The following PRSS16 variants were observed in gnomAD, a reference collection of about 807,000 sequenced individuals.
PRSS16 encodes the protein thymus-specific serine protease.
Under a neutral mutation model 61.7 loss-of-function variants are expected in PRSS16, and 43 were observed. The ratio of observed to expected loss-of-function variants is 0.70; its 90% CI spans 0.55 to 0.90. The LOEUF is 0.90. Ranked by LOEUF, PRSS16 falls within the 40% of genes least tolerant of loss-of-function variation. The pLI is 0.00. For missense variants in PRSS16, 591 were observed against 659.1 expected (o/e 0.90, Z 1.13); for synonymous variants, 273 against 285.2 (o/e 0.96, Z 0.43).
chr6:27,252,446 G>A lies in PRSS16; in HGVS notation c.1009-362G>A, dbSNP rs1191907513. On this transcript the variant is annotated intron_variant, in intron 8 of 11. Transcript: ENST00000230582. The surrounding 1 kb of genome is among the most constrained non-coding windows in gnomAD (Gnocchi z 4.2). ...CTAAATCCACAACTGCAATCCAGCTGTCGCTTTTCCAGCACTGTCTGGACC... is the reference window on the plus strand; with the variant it reads ...CTAAATCCACAACTGCAATCCAGCTATCGCTTTTCCAGCACTGTCTGGACC... 6.6e-6 allele frequency among the ~76,000 whole-genome samples: 1 copy of A among 152,184 alleles called. No homozygotes were observed. The highest frequency in any genetic ancestry group is 3.2e-3 in the Middle Eastern group (1 of 316).
Position 27,254,715 on chromosome 6 carries a change from A to T in PRSS16, c.1173A>T (p.Arg391Ser), listed in dbSNP as rs1172748866. 6.2e-7 allele frequency: 1 copy of T among 1,613,560 alleles called. No homozygotes were observed. Residue 391 changes from arginine to serine, a missense_variant, in exon 10 of 12, where the codon AGA becomes AGT. Arg to Ser is a moderately radical substitution (Grantham distance 110). Coordinates refer to ENST00000230582, the MANE Select transcript of PRSS16 (RefSeq NM_005865.4). ...FGFYVTCENP[R>S]CPFSQLPALP... ...CAGATGTCACCTGTGAGAATCCCAGATGTCCTTTCTCCCAGCTCCCAGCAC... is the reference window on the plus strand; with the variant it reads ...CAGATGTCACCTGTGAGAATCCCAGTTGTCCTTTCTCCCAGCTCCCAGCAC...
intron 9 of PRSS16, 112 bp from the exon 10 acceptor site, chr6:27,254,581 A>G: frequency 3.8e-6 from 4 of 1,042,970 alleles, no homozygotes; most frequent in Admixed American, 2.0e-5. Context: ...AACTCCTCGA[A>G]GGGAGTATTA....
chr6:27,248,464 C>T (rs1200082335), intron 2 of PRSS16, among the ~76,000 whole-genome samples: 3 of 152,002 alleles, frequency 2.0e-5, no homozygotes, highest in East Asian at 1.9e-4. Context: ...GGAACAAATT[C>T]GCCATTTTTC....
chr6:27,254,631 A>T, intron 9 of PRSS16, 62 bp from the exon 10 acceptor site: 1 of 1,444,702 alleles, frequency 6.9e-7, no homozygotes, highest in South Asian at 1.2e-5. Context: ...TTTGAAAATG[A>T]TTATTGAAGG....
chr6:27,249,077 C>T (rs772681359), intron 3 of PRSS16, 23 bp from the exon 4 acceptor site: 5 of 504,048 alleles, frequency 9.9e-6, no homozygotes, highest in East Asian at 4.8e-5. Flanking sequence ...CCTCCCCACC[C>T]CCCACCCATA....
Position 27,252,134 on chromosome 6 carries a change from T to A in PRSS16, c.1008+94T>A. 7.4e-7 allele frequency: 1 copy of A among 1,356,696 alleles called. No individual in the cohort carries two copies. Among genetic ancestry groups the A allele is most frequent in the Non-Finnish European group, 9.6e-7 (1 of 1,036,734 alleles). 84.0% of individuals were successfully genotyped at this position (1,356,696 alleles called of 1,614,324 possible). A position where few individuals can be genotyped will look rare whatever the true frequency, so the allele number is the denominator to read the frequency against. On this transcript the variant is annotated intron_variant, in intron 8 of 11. Transcript: ENST00000230582. This position sits in a 1 kb window ranked among gnomAD's most constrained non-coding sequence, Gnocchi z 4.2. ...ATCTTGGGCAAGCGAGAACCTTCTC[T>A]GAAACTTCGTTTTCTCATCTGTAAA...
chr6:27,252,895 T>C lies in PRSS16; in HGVS notation c.1096T>C (p.Ser366Pro). The C allele has an allele frequency of 6.2e-7, 1 of 1,614,172 alleles. No homozygotes were observed. Among genetic ancestry groups the C allele is most frequent in the Middle Eastern group, 1.6e-4 (1 of 6,062 alleles). ...GCTGAGGAGCACAGAACCTCAACTG[T>C]CTGGTGTGGGTGACCGGCAGTGGTT... ...AQLRSTEPQL[S>P]GVGDRQWLYQ... is the part of the protein sequence containing the mutation. The change falls in exon 9 of 12, where the codon TCT becomes CCT. Residue 366 changes from serine to proline, a missense_variant. Physicochemically the swap from Ser to Pro is moderately conservative, Grantham distance 74. Coordinates refer to ENST00000230582, the MANE Select transcript of PRSS16 (RefSeq NM_005865.4). This position sits in a 1 kb window ranked among gnomAD's most constrained non-coding sequence, Gnocchi z 4.2.
rs753545039 is a variant in PRSS16, at chr6:27,248,874, G to T, written c.265G>T (p.Val89Phe). ...QRYWVNDQHW[V>F]GQDGPIFLHL... ...TTACTGGGTGAATGACCAACATTGG[G>T]TTGGCCAGGATGGACCCATATTCCT... Residue 89 changes from valine (V) to phenylalanine (F), a missense_variant, in exon 3 of 12, where the codon GTT becomes TTT. Coordinates refer to ENST00000230582, the MANE Select transcript of PRSS16 (RefSeq NM_005865.4). 8 of 1,612,218 alleles carry T rather than the reference G, an allele frequency of 5.0e-6. No individual in the cohort carries two copies. The highest frequency in any genetic ancestry group is 1.7e-5 in the Admixed American group (1 of 59,734).
In PRSS16 at chr6:27,251,726, G is replaced by T. The variant is rs1351511029; in HGVS notation, c.718-24G>T. Reference sequence around the variant, plus strand: ...CCGAGGCCCAGCCTAAGTCTTGGCGGACATCGCCTCTTGCTTCCCACAGTG... The same window carrying T: ...CCGAGGCCCAGCCTAAGTCTTGGCGTACATCGCCTCTTGCTTCCCACAGTG... On this transcript the variant is annotated intron_variant, in intron 7 of 11. Transcript: ENST00000230582. The surrounding 1 kb of genome is among the most constrained non-coding windows in gnomAD (Gnocchi z 5.6). The T allele has an allele frequency of 1.3e-6, 2 of 1,579,432 alleles. No individual in the cohort carries two copies.
At chr6:27,250,834 G>C (rs555888765) in intron 5 of PRSS16, 28 bp downstream of exon 5, 4 of 1,589,554 alleles carry the variant, frequency 2.5e-6, no homozygotes, top group Non-Finnish European at 3.4e-6. Context: ...GGTGGGCTGG[G>C]GGGAGGGAAC....
At chr6:27,249,415 C>G (rs1759820559) in intron 4 of PRSS16, among the ~76,000 whole-genome samples, 186 bp downstream of exon 4, 1 of 152,146 alleles carries the variant, frequency 6.6e-6, no homozygotes, top group South Asian at 2.1e-4. Context: ...CTCTGACTCT[C>G]CCTATCTGTC....
At position 27,255,926 on chromosome 6, in the gene PRSS16, A is replaced by G; in HGVS notation, c.*611A>G. ...TCTCTCCTCTCTCTCTTGCTCTGCC[A>G]TGGCTATTTCCACTGCTCTATTTCT... On this transcript the variant is annotated 3_prime_UTR_variant, in exon 12 of 12. Transcript: ENST00000230582. This position sits in a 1 kb window ranked among gnomAD's most constrained non-coding sequence, Gnocchi z 4.4. 6.6e-6 allele frequency: 1 copy of G among 152,052 alleles called. No homozygotes were observed. The highest frequency in any genetic ancestry group is 1.9e-4 in the East Asian group (1 of 5,150). The allele number at this position is 152,052 out of a possible 1,614,324, so 9.4% of individuals were successfully genotyped here. A position where few individuals can be genotyped will look rare whatever the true frequency, so the allele number is the denominator to read the frequency against.
At chr6:27,250,625 G>A in intron 4 of PRSS16, 58 bp from the exon 5 acceptor site, 4 of 1,516,760 alleles carry the variant, frequency 2.6e-6, no homozygotes, top group Non-Finnish European at 3.5e-6. Flanking sequence ...CCCAGAATGG[G>A]GAAATCTTCA....
chr6:27,247,778 T>G lies in PRSS16; in HGVS notation c.41T>G (p.Leu14Trp). ...WLAQWLGPLL[L>W]VSLWGLLAPA... ...GCCCAGTGGCTGGGCCCTCTGCTCT[T>G]GGTTTCCCTCTGGGGACTCTTGGCT... Residue 14 changes from leucine to tryptophan, a missense_variant, in exon 1 of 12, where the codon TTG (leucine) becomes TGG (tryptophan). By Grantham distance (61) the Leu-to-Trp change is moderately conservative (BLOSUM62 -2). Coordinates refer to ENST00000230582, the MANE Select transcript of PRSS16 (RefSeq NM_005865.4). 6.2e-7 allele frequency: 1 copy of G among 1,602,308 alleles called. No individual in the cohort carries two copies.
At chr6:27,249,865 G>A (rs1581473848) in intron 4 of PRSS16, among the ~76,000 whole-genome samples, 1 of 152,092 alleles carries the variant, frequency 6.6e-6, no homozygotes, top group Non-Finnish European at 1.5e-5. Context: ...CCTCTGCATG[G>A]CGTGGCCTTC....
In PRSS16 at chr6:27,251,703, G is replaced by A. The variant is rs750114251; in HGVS notation, c.718-47G>A. The stretch of plus-strand genomic sequence containing the variant: ...ACGCAGGTCCTGGGTAGGGAAAGCC[G>A]AGGCCCAGCCTAAGTCTTGGCGGAC... On this transcript the variant is annotated intron_variant, in intron 7 of 11. Coordinates refer to ENST00000230582, the MANE Select transcript of PRSS16 (RefSeq NM_005865.4). This position sits in a 1 kb window ranked among gnomAD's most constrained non-coding sequence, Gnocchi z 5.6. The A allele has an allele frequency of 2.0e-5, 31 of 1,551,926 alleles. No homozygotes were observed. The East Asian group carries it at 3.8e-4, about 19-fold the overall frequency.
chr6:27,255,712 G>C lies in PRSS16; in HGVS notation c.*397G>C. ...ATCCTGAACCTGTCCTTGCTTCTCAGTTTCTCTCACTGTACCCCTTTCCCT... is the reference window on the plus strand; with the variant it reads ...ATCCTGAACCTGTCCTTGCTTCTCACTTTCTCTCACTGTACCCCTTTCCCT... On this transcript the variant is annotated 3_prime_UTR_variant, in exon 12 of 12. Transcript: ENST00000230582. This position sits in a 1 kb window ranked among gnomAD's most constrained non-coding sequence, Gnocchi z 4.4. The C allele has an allele frequency of 5.3e-6, 1 of 190,428 alleles. No homozygotes were observed. The highest frequency in any genetic ancestry group is 1.1e-5 in the Non-Finnish European group (1 of 91,302). 11.8% of individuals were successfully genotyped at this position (190,428 alleles called of 1,614,324 possible).
rs1050294747 is a variant in PRSS16, at chr6:27,248,000, G to A, written c.189G>A (p.Glu63=). The part of the protein sequence containing the change: ...AAALPKVGWL[E]QLLDPFNVSD... ...CCCTCCCAAAAGTGGGGTGGCTGGA[G>A]CAACTGCTGGACCCCTTCAACGTGT... The change falls in exon 2 of 12, where the codon GAG becomes GAA. Residue 63 remains glutamate (E), a synonymous_variant. Transcript: ENST00000230582. 5.6e-6 allele frequency: 9 copies of A among 1,613,642 alleles called. No individual in the cohort carries two copies. The highest frequency in any genetic ancestry group is 5.3e-5 in the African/African-American group (4 of 74,930).
rs983453806 is a variant in PRSS16 at position 27,251,074 on chromosome 6, C to T, written c.624C>T (p.Ser208=). The change falls in exon 6 of 12, where the codon TCC becomes TCT. Residue 208 remains serine (S), a synonymous_variant. Coordinates refer to ENST00000230582, the MANE Select transcript of PRSS16 (RefSeq NM_005865.4). The surrounding 1 kb of genome is among the most constrained non-coding windows in gnomAD (Gnocchi z 5.6). ...FPHLIFASVA[S]SAPVRAVLDF... The stretch of plus-strand genomic sequence containing the variant: ...ATCTCATTTTCGCGTCGGTCGCCTC[C>T]TCCGCCCCGGTGCGGGCCGTGCTGG... The T allele has an allele frequency of 2.4e-5, 39 of 1,614,010 alleles. No homozygotes were observed. The highest frequency in any genetic ancestry group is 3.1e-5 in the Non-Finnish European group (37 of 1,180,058).
Sources: gnomAD v4.1 joint callset for allele counts (sites outside exome capture counted in the v4.1 genomes callset) on GRCh38, gnomAD v4.1.1 for gene constraint, Gnocchi (gnomAD v3.1) non-coding constraint, MANE v1.5 for transcripts, NCBI Gene and HGNC (gene_info 2026-07-23, HGNC 2026-07-21) for gene names.